The following ARL13B variants were observed in gnomAD, a reference collection of about 807,000 sequenced individuals.
ARL13B encodes ADP-ribosylation factor-like protein 13B.
ARL13B carries 36 observed loss-of-function variants against 56.1 expected under a neutral mutation model. The observed-to-expected ratio is 0.64, with a 90% CI of 0.49 to 0.85. ARL13B has a LOEUF of 0.85. Among genes scored for constraint, ARL13B ranks in the 40% least tolerant of loss-of-function variants. The pLI is 0.00. For synonymous variants in ARL13B, 178 were observed against 171.1 expected, an observed-to-expected ratio of 1.04 and a Z score of -0.32; for missense variants, 519 against 507.1, an observed-to-expected ratio of 1.02 and a Z score of -0.23.
Position 94,036,300 on chromosome 3 carries a change from A to G in ARL13B, c.487-252A>G, listed in dbSNP as rs546208984. Among the ~76,000 whole-genome samples, 8 of 152,152 alleles carry G rather than the reference A, an allele frequency of 5.3e-5. No individual in the cohort carries two copies. The East Asian group carries it at 1.2e-3, about 22-fold the overall frequency. On this transcript the variant is annotated intron_variant, in intron 4 of 9. Coordinates refer to ENST00000394222, the MANE Select transcript of ARL13B (RefSeq NM_001174150.2). ...TAGTTAAATTTTTTCTTCTAATATT[A>G]TAAGTGGCACTGTCACCCTCTTCTT...
intron 3 of ARL13B, among the ~76,000 whole-genome samples, chr3:94,008,502 C>T (rs777920588): frequency 1.3e-5 from 2 of 152,148 alleles, no homozygotes; most frequent in Non-Finnish European, 2.9e-5. Flanking sequence ...TAGACATTTT[C>T]CATTAATAGT....
At chr3:94,006,111 C>A (rs1370992263) in intron 3 of ARL13B, among the ~76,000 whole-genome samples, 3 of 152,022 alleles carry the variant, frequency 2.0e-5, no homozygotes, top group African/African-American at 7.2e-5. Flanking sequence ...ACCATCCTGG[C>A]TAACATGGTG....
chr3:93,992,570 T>C (rs1438904775), intron 1 of ARL13B, among the ~76,000 whole-genome samples: 2 of 152,202 alleles, frequency 1.3e-5, no homozygotes, highest in Non-Finnish European at 2.9e-5. Flanking sequence ...ATGTAATGGG[T>C]GCTTAATATT....
intron 2 of ARL13B, among the ~76,000 whole-genome samples, chr3:93,999,550 A>G (rs940149338): frequency 6.6e-6 from 1 of 152,112 alleles, no homozygotes; most frequent in Non-Finnish European, 1.5e-5. Flanking sequence ...TTGGGTATCT[A>G]TTCCCTGAAC....
At chr3:93,985,133 T>C (rs1710393116) in intron 1 of ARL13B, among the ~76,000 whole-genome samples, 1 of 152,234 alleles carries the variant, frequency 6.6e-6, no homozygotes, top group Non-Finnish European at 1.5e-5. Context: ...ACATATACTT[T>C]TTTCTTGTAG....
At chr3:94,046,179 A>G (rs2076980941) in intron 7 of ARL13B, among the ~76,000 whole-genome samples, 2 of 151,894 alleles carry the variant, frequency 1.3e-5, no homozygotes, top group South Asian at 4.1e-4. Context: ...ATTTTGATAT[A>G]TGTATACATA....
In ARL13B at chr3:94,035,377, G is replaced by A; in HGVS notation, c.427G>A (p.Val143Ile). 6.2e-7 allele frequency: 1 copy of A among 1,608,892 alleles called. No homozygotes were observed. Among genetic ancestry groups the A allele is most frequent in the Non-Finnish European group, 8.5e-7 (1 of 1,178,730 alleles). The change falls in exon 4 of 10, where the codon GTC (valine) becomes ATC (isoleucine). Residue 143 changes from valine (V) to isoleucine (I), a missense_variant. Val to Ile is a conservative substitution (Grantham distance 29). Transcript: ENST00000394222. ...AGAAGGAGCTTTAGGAGAAGCTGAT[G>A]TCATTGAATGTCTATCTCTGGAAAA... ...DKEGALGEAD[V>I]IECLSLEKLV...
intron 5 of ARL13B, among the ~76,000 whole-genome samples, chr3:94,038,017 G>A (rs1229664109): frequency 3.3e-5 from 5 of 152,060 alleles, no homozygotes; most frequent in Admixed American, 6.5e-5. Context: ...ATTCGGAGAC[G>A]GGTGATTAAA....
chr3:94,045,880 G>T (rs1398052692), intron 7 of ARL13B, among the ~76,000 whole-genome samples: 1 of 150,376 alleles, frequency 6.6e-6, no homozygotes, highest in Non-Finnish European at 1.5e-5. Flanking sequence ...GAACCTGGGA[G>T]GCAGAGCTTG....
At chr3:94,019,730 T>A (rs1354569845) in intron 3 of ARL13B, among the ~76,000 whole-genome samples, 1 of 152,160 alleles carries the variant, frequency 6.6e-6, no homozygotes, top group Non-Finnish European at 1.5e-5. Context: ...CCACAATGAC[T>A]TCACCCCTTC....
chr3:94,020,649 T>G (rs1168230723), intron 3 of ARL13B, among the ~76,000 whole-genome samples: 1 of 152,202 alleles, frequency 6.6e-6, no homozygotes, highest in South Asian at 2.1e-4. Context: ...TTTATAGATA[T>G]TAAAAGTTTA....
chr3:94,000,335 C>T (rs1393248937), intron 2 of ARL13B, among the ~76,000 whole-genome samples: 2 of 152,194 alleles, frequency 1.3e-5, no homozygotes, highest in East Asian at 3.9e-4. Context: ...ATGGCCACCC[C>T]TTGCTGCCGT....
intron 1 of ARL13B, among the ~76,000 whole-genome samples, chr3:93,991,127 T>G (rs1575933585): frequency 6.6e-6 from 1 of 152,248 alleles, no homozygotes; most frequent in East Asian, 1.9e-4. Context: ...TAACGTACTT[T>G]AATTGTATTA....
At chr3:94,008,101 A>G (rs2076164540) in intron 3 of ARL13B, among the ~76,000 whole-genome samples, 1 of 152,314 alleles carries the variant, frequency 6.6e-6, no homozygotes, top group South Asian at 2.1e-4. Flanking sequence ...AGTGGCATGA[A>G]CCAGAACCAA....
intron 3 of ARL13B, among the ~76,000 whole-genome samples, chr3:94,019,513 A>G (rs1481169128): frequency 2.0e-5 from 3 of 152,100 alleles, no homozygotes; most frequent in Non-Finnish European, 4.4e-5. Flanking sequence ...GTTATTTTTC[A>G]TCTTGATTGT....
chr3:94,054,312 C>A lies in ARL13B; in HGVS notation c.*1049C>A. 1 of 433,364 alleles carries A rather than the reference C, an allele frequency of 2.3e-6. No homozygotes were observed. The highest frequency in any genetic ancestry group is 4.6e-6 in the Non-Finnish European group (1 of 218,312). 26.8% of individuals were successfully genotyped at this position (433,364 alleles called of 1,614,324 possible). A position where few individuals can be genotyped will look rare whatever the true frequency, so the allele number is the denominator to read the frequency against. On this transcript the variant is annotated 3_prime_UTR_variant, in exon 10 of 10. Coordinates refer to ENST00000394222, the MANE Select transcript of ARL13B (RefSeq NM_001174150.2). The stretch of plus-strand genomic sequence containing the variant: ...AAGTAATGAGAATAAAAATGTTGGC[C>A]CAAAATTACTTTTATAAATAAATAA...
intron 5 of ARL13B, among the ~76,000 whole-genome samples, chr3:94,038,151 T>C (rs1259789790): frequency 1.3e-5 from 2 of 152,190 alleles, no homozygotes; most frequent in African/African-American, 2.4e-5. Context: ...CTGAAGTTGC[T>C]TACTAATAAA....
intron 3 of ARL13B, among the ~76,000 whole-genome samples, chr3:94,009,696 T>A (rs913075811): frequency 1.3e-5 from 2 of 152,056 alleles, no homozygotes; most frequent in Non-Finnish European, 2.9e-5. Context: ...GGCTTAAGAT[T>A]TCTCTCCTTT....
At chr3:94,052,829 G>A (rs1051683910) in intron 9 of ARL13B, among the ~76,000 whole-genome samples, 4 of 152,066 alleles carry the variant, frequency 2.6e-5, no homozygotes, top group Non-Finnish European at 1.5e-5. Flanking sequence ...TCCAAATTTG[G>A]GGGCTATTGC....
Sources: allele counts gnomAD v4.1 joint callset (sites outside exome capture counted in the v4.1 genomes callset), GRCh38; gene constraint gnomAD v4.1.1; transcripts MANE v1.5; gene names NCBI Gene and HGNC (gene_info 2026-07-23, HGNC 2026-07-21).